The following LAMA2 variants were observed in gnomAD, a reference collection of about 807,000 sequenced individuals.
LAMA2 encodes laminin subunit alpha 2, also known as laminin subunit alpha-2.
LAMA2 carries 269 observed loss-of-function variants against 364.8 expected under a neutral mutation model. The ratio of observed to expected loss-of-function variants is 0.74; its 90% confidence interval spans 0.67 to 0.82. The LOEUF (loss-of-function observed/expected upper bound fraction) is 0.82, where lower values mean the gene tolerates loss of function less well. LAMA2 is among the 40% of genes least tolerant of loss of function. LAMA2 has a pLI of 0.00. For missense variants in LAMA2, 3,807 were observed against 3,873.2 expected (o/e 0.98, Z 0.45); for synonymous variants, 1,379 against 1,370.6 (o/e 1.01, Z -0.14).
At chr6:129,004,629 G>T (rs907702461) in intron 1 of LAMA2, among the ~76,000 whole-genome samples, 3 of 152,202 alleles carry the variant, frequency 2.0e-5, no homozygotes, top group African/African-American at 7.2e-5. Context: ...ACTTAAATCA[G>T]TTGGGTAAAT....
chr6:128,890,773 G>A (rs1317041093), intron 1 of LAMA2, among the ~76,000 whole-genome samples: 1 of 151,902 alleles, frequency 6.6e-6, no homozygotes, highest in Admixed American at 6.6e-5. Flanking sequence ...AGAAACAACG[G>A]TATTTATTAT....
chr6:129,299,527 C>T (rs1389209878), intron 21 of LAMA2, among the ~76,000 whole-genome samples: 1 of 151,930 alleles, frequency 6.6e-6, no homozygotes, highest in African/African-American at 2.4e-5. Flanking sequence ...GTTATGATTC[C>T]GCTGAAGAAC....
At chr6:129,309,695 A>T (rs757161900) in intron 22 of LAMA2, among the ~76,000 whole-genome samples, 1 of 152,168 alleles carries the variant, frequency 6.6e-6, no homozygotes. Flanking sequence ...ATGTTCTTTA[A>T]GTTACTTGGC....
At chr6:128,946,905 T>C (rs1001879266) in intron 1 of LAMA2, among the ~76,000 whole-genome samples, 1 of 152,204 alleles carries the variant, frequency 6.6e-6, no homozygotes, top group African/African-American at 2.4e-5. Flanking sequence ...TTAAGAAGGT[T>C]GAGAGATATA....
intron 64 of LAMA2, among the ~76,000 whole-genome samples, chr6:129,515,300 C>A (rs959381318): frequency 6.6e-6 from 1 of 152,176 alleles, no homozygotes. Flanking sequence ...ATGAAACAAG[C>A]AAAATGTATA....
At chr6:129,202,173 G>A (rs1446752738) in intron 12 of LAMA2, among the ~76,000 whole-genome samples, 1 of 130,642 alleles carries the variant, frequency 7.7e-6, no homozygotes, top group African/African-American at 3.0e-5. Context: ...AAGCAACAGA[G>A]CGAGAGTCTG....
At chr6:129,255,404 TCAAAAAAAAAA>T (rs1186951665) in intron 14 of LAMA2, among the ~76,000 whole-genome samples, 2 of 19,984 alleles carry the variant, frequency 1.0e-4, no homozygotes, top group Non-Finnish European at 2.1e-4. Context: ...AGACTCTGTC[TCAAAAAAAAAA>T]AAAAAAAAAA....
At chr6:129,342,157 T>C (rs1304934830) in intron 29 of LAMA2, among the ~76,000 whole-genome samples, 186 bp from the exon 30 acceptor site, 2 of 152,056 alleles carry the variant, frequency 1.3e-5, no homozygotes, top group African/African-American at 4.8e-5. Flanking sequence ...AATCAAAGAG[T>C]TCCTTTAAAA....
At chr6:129,221,982 T>A (rs895305783) in intron 12 of LAMA2, among the ~76,000 whole-genome samples, 1 of 152,218 alleles carries the variant, frequency 6.6e-6, no homozygotes, top group African/African-American at 2.4e-5. Flanking sequence ...GCAATAACAT[T>A]TTTGAGCAAA....
At chr6:129,472,181 T>C (rs889694336) in intron 51 of LAMA2, among the ~76,000 whole-genome samples, 2 of 151,956 alleles carry the variant, frequency 1.3e-5, no homozygotes, top group African/African-American at 4.8e-5. Context: ...TCATATTTAT[T>C]TGAGCCAGGA....
At chr6:129,071,459 TTAC>T (rs1450661719) in intron 3 of LAMA2, among the ~76,000 whole-genome samples, 1 of 152,136 alleles carries the variant, frequency 6.6e-6, no homozygotes, top group African/African-American at 2.4e-5. Flanking sequence ...TTATTTTAGT[TTAC>T]TACATTTTCT....
intron 1 of LAMA2, among the ~76,000 whole-genome samples, chr6:128,900,411 C>A (rs1777016535): frequency 6.6e-6 from 1 of 152,026 alleles, no homozygotes; most frequent in Non-Finnish European, 1.5e-5. Context: ...TGGCACCTAG[C>A]ATGGTCACAG....
intron 12 of LAMA2, among the ~76,000 whole-genome samples, chr6:129,210,003 C>CAAAAAAAAA (rs374127279): frequency 0.042 from 2,832 of 67,384 alleles, 152 homozygotes; most frequent in African/African-American, 0.078. Context: ...GACTCCATCT[C>CAAAAAAAAA]AAAAAAAAAA....
rs143367619 is a variant in LAMA2 at position 128,932,894 on chromosome 6, G to A, written c.112+49537G>A. Among the ~76,000 whole-genome samples, 92 of 152,230 alleles carry A rather than the reference G, an allele frequency of 6.0e-4. 2 individuals carry two copies. Among genetic ancestry groups the A allele is most frequent in the African/African-American group, 2.2e-3 (90 of 41,536 alleles). On this transcript the variant is annotated intron_variant, in intron 1 of 64. Transcript: ENST00000421865. ...GTGTTTGGAAAATTCCAAATAAACAGTACAATATTATTAACTATAGTTACT... is the reference window on the plus strand; with the variant it reads ...GTGTTTGGAAAATTCCAAATAAACAATACAATATTATTAACTATAGTTACT...
intron 41 of LAMA2, among the ~76,000 whole-genome samples, chr6:129,431,917 T>C (rs1781616014): frequency 6.6e-6 from 1 of 152,238 alleles, no homozygotes; most frequent in South Asian, 2.1e-4. Flanking sequence ...TTCTGTGTTA[T>C]TATTTTATAT....
At chr6:129,510,235 C>A (rs1045609542) in intron 62 of LAMA2, among the ~76,000 whole-genome samples, 11 of 152,038 alleles carry the variant, frequency 7.2e-5, no homozygotes, top group Non-Finnish European at 1.6e-4. Flanking sequence ...CACCAAAAAA[C>A]CATTAGAACT....
intron 4 of LAMA2, among the ~76,000 whole-genome samples, chr6:129,123,200 G>A (rs920624858): frequency 6.6e-6 from 1 of 151,822 alleles, no homozygotes; most frequent in African/African-American, 2.4e-5. Context: ...CAGCTACTTG[G>A]GAGGCTGAGG....
chr6:128,998,616 C>G lies in LAMA2; in HGVS notation c.113-51302C>G, dbSNP rs550642650. ...GCAAGGGGTCAGGGAGTTCCCTTTC[C>G]GAGTCAAAGAAAGGGGTGACGGACG... On this transcript the variant is annotated intron_variant, in intron 1 of 64. Coordinates refer to ENST00000421865, the MANE Select transcript of LAMA2 (RefSeq NM_000426.4). Among the ~76,000 whole-genome samples, 5 of 11,198 alleles carry G rather than the reference C, an allele frequency of 4.5e-4. 2 individuals carry two copies. The highest frequency in any genetic ancestry group is 7.9e-4 in the African/African-American group (5 of 6,364). The allele number at this position is 11,198 out of a possible 152,430, so 7.3% of individuals were successfully genotyped here. A position where few individuals can be genotyped will look rare whatever the true frequency, so the allele number is the denominator to read the frequency against.
chr6:129,516,210 C>G lies in LAMA2; in HGVS notation c.9232C>G (p.Leu3078Val), dbSNP rs774640635. 2 of 1,614,102 alleles carry G rather than the reference C, an allele frequency of 1.2e-6. No individual in the cohort carries two copies. The highest frequency in any genetic ancestry group is 1.7e-6 in the Non-Finnish European group (2 of 1,180,008). The stretch of plus-strand genomic sequence containing the variant: ...TTCAGATGACCTCAAGCAGTTTGGC[C>G]TAACAACCAGTATTCCGTTCCGAGG... The part of the protein sequence containing the change: ...GFPDDLKQFG[L>V]TTSIPFRGCI... Residue 3078 changes from leucine to valine, a missense_variant, in exon 65 of 65, where the codon CTA becomes GTA. By Grantham distance (32) the Leu-to-Val change is conservative (BLOSUM62 1). Around this residue, in one of 3 missense-constraint regions of LAMA2, gnomAD observed 3,333 missense variants for 3,345.7 expected, o/e 1.00. Coordinates refer to ENST00000421865, the MANE Select transcript of LAMA2 (RefSeq NM_000426.4).
Sources: allele counts gnomAD v4.1 joint callset (sites outside exome capture counted in the v4.1 genomes callset), GRCh38; gene constraint gnomAD v4.1.1; regional missense constraint gnomAD v4.1.1; transcripts MANE v1.5; gene names NCBI Gene and HGNC (gene_info 2026-07-23, HGNC 2026-07-21).